MBNL2: variants seen among roughly 807,000 people sequenced by gnomAD.
The protein encoded by MBNL2 is muscleblind like splicing regulator 2.
In MBNL2, 17 loss-of-function variants were observed where a neutral mutation model predicts 41.9. That is an observed-to-expected ratio of 0.41 (90% CI 0.28 to 0.61). The LOEUF (loss-of-function observed/expected upper bound fraction) is 0.61. MBNL2 is among the 20% of genes least tolerant of loss of function. MBNL2 has a pLI of 0.35. For synonymous variants in MBNL2, 195 were observed against 182.9 expected (o/e 1.07, Z -0.53); for missense variants, 336 against 505.6 (o/e 0.66, Z 3.22).
intron 8 of MBNL2, among the ~76,000 whole-genome samples, chr13:97,368,796 A>G (rs894350787): frequency 6.6e-6 from 1 of 151,986 alleles, no homozygotes; most frequent in Non-Finnish European, 1.5e-5. Flanking sequence ...AAGCTAAAAT[A>G]TATCACTTTC....
intron 1 of MBNL2, among the ~76,000 whole-genome samples, chr13:97,234,588 C>G (rs754861321): frequency 6.6e-6 from 1 of 152,148 alleles, no homozygotes; most frequent in African/African-American, 2.4e-5. Flanking sequence ...AAATTGTTTT[C>G]AGTCCCAACC....
chr13:97,146,847 G>T, the MBNL2 span, among the ~76,000 whole-genome samples: 2 of 152,128 alleles, frequency 1.3e-5, no homozygotes, highest in African/African-American at 4.8e-5. Context: ...CTTCTGGCTT[G>T]GATGTTTCCC....
chr13:97,361,286 A>C (rs906277052), intron 7 of MBNL2, among the ~76,000 whole-genome samples: 1 of 152,198 alleles, frequency 6.6e-6, no homozygotes, highest in Non-Finnish European at 1.5e-5. Flanking sequence ...TTTGAAGAGA[A>C]GCAAGATTTT....
At position 97,275,739 on chromosome 13, in the gene MBNL2, T is replaced by C. The variant is rs1326911461; in HGVS notation, c.-497T>C. ...CTCTTCTGTCAAGTACACTTTACCC[T>C]GACCTTATGAGTGGATGAAGATACC... On this transcript the variant is annotated 5_prime_UTR_variant, in exon 2 of 9. It removes the in-frame stop codon of an upstream open reading frame in the 5' UTR. Transcript: ENST00000679496. 2 of 152,694 alleles carry C rather than the reference T, an allele frequency of 1.3e-5. No homozygotes were observed. The highest frequency in any genetic ancestry group is 4.8e-5 in the African/African-American group (2 of 41,472). The allele number at this position is 152,694 out of a possible 1,614,324, so 9.5% of individuals were successfully genotyped here.
At chr13:97,277,214 C>G (rs2052341887) in intron 2 of MBNL2, among the ~76,000 whole-genome samples, 1 of 152,152 alleles carries the variant, frequency 6.6e-6, no homozygotes, top group African/African-American at 2.4e-5. Context: ...AATGAAAGAT[C>G]TAGAAGTGGC....
intron 8 of MBNL2, among the ~76,000 whole-genome samples, chr13:97,372,962 A>G (rs921122504): frequency 3.3e-5 from 5 of 152,122 alleles, no homozygotes; most frequent in Admixed American, 6.6e-5. Context: ...CACTTGACCC[A>G]TTTTGGGGCC....
At chr13:97,274,049 G>T (rs1022520555) in intron 1 of MBNL2, among the ~76,000 whole-genome samples, 8 of 151,578 alleles carry the variant, frequency 5.3e-5, no homozygotes, top group Admixed American at 1.3e-4. Flanking sequence ...CAACAAGAGT[G>T]AAACTCCGTC....
the MBNL2 span, among the ~76,000 whole-genome samples, chr13:97,188,659 A>AG: frequency 6.9e-6 from 1 of 144,050 alleles, no homozygotes; most frequent in African/African-American, 2.6e-5. Context: ...AAAAAAAAAA[A>AG]GGCAAAGAGA....
chr13:97,154,671 A>T, the MBNL2 span, among the ~76,000 whole-genome samples: 17 of 152,188 alleles, frequency 1.1e-4, no homozygotes, highest in African/African-American at 3.9e-4. Context: ...CGTTTGGATG[A>T]TGCGGGGAAG....
intron 1 of MBNL2, among the ~76,000 whole-genome samples, chr13:97,229,576 A>G (rs1474652437): frequency 3.9e-5 from 6 of 152,194 alleles, no homozygotes; most frequent in Non-Finnish European, 8.8e-5. Flanking sequence ...ATAAGAATGT[A>G]TGATCAAAAA....
the MBNL2 span, among the ~76,000 whole-genome samples, chr13:97,182,927 C>A: frequency 6.6e-6 from 1 of 151,986 alleles, no homozygotes; most frequent in Non-Finnish European, 1.5e-5. Flanking sequence ...TGAGTTACCC[C>A]AAGTATAGAT....
At chr13:97,160,111 A>G in the MBNL2 span, among the ~76,000 whole-genome samples, 2 of 152,140 alleles carry the variant, frequency 1.3e-5, no homozygotes, top group African/African-American at 4.8e-5. Context: ...TATTCTTTGA[A>G]AAAAGTAATT....
chr13:97,148,834 A>C, the MBNL2 span, among the ~76,000 whole-genome samples: 1 of 152,252 alleles, frequency 6.6e-6, no homozygotes, highest in East Asian at 1.9e-4. Context: ...TGGTATTCAA[A>C]GTAAAAGTGG....
Position 97,335,815 on chromosome 13 carries a change from A to G in MBNL2, c.339+1375A>G, listed in dbSNP as rs956226089. 3.9e-5 allele frequency among the ~76,000 whole-genome samples: 6 copies of G among 152,352 alleles called. No homozygotes were observed. In the South Asian group the frequency reaches 1.2e-3, roughly 32 times the overall value. On this transcript the variant is annotated intron_variant, in intron 3 of 8. Transcript: ENST00000679496. Reference sequence around the variant, plus strand: ...AGAGTTCTGAATATATTTAATCCCCAAAATAGGCATTTAAGTGGTTCTGTT... The same window carrying G: ...AGAGTTCTGAATATATTTAATCCCCGAAATAGGCATTTAAGTGGTTCTGTT...
intron 1 of MBNL2, among the ~76,000 whole-genome samples, chr13:97,243,987 G>A (rs2044885742): frequency 6.6e-6 from 1 of 152,040 alleles, no homozygotes; most frequent in Non-Finnish European, 1.5e-5. Flanking sequence ...GAAAGGCAAG[G>A]GGGAAAAAAA....
At chr13:97,386,630 T>C (rs2065943072) in intron 8 of MBNL2, among the ~76,000 whole-genome samples, 1 of 152,250 alleles carries the variant, frequency 6.6e-6, no homozygotes, top group African/African-American at 2.4e-5. Context: ...CTATAATTAT[T>C]AAATGGCTGC....
the MBNL2 span, among the ~76,000 whole-genome samples, chr13:97,163,591 T>C: frequency 1.3e-3 from 192 of 152,328 alleles, no homozygotes; most frequent in African/African-American, 4.5e-3. Context: ...AGGAGAAGAA[T>C]TGCAGCATCA....
chr13:97,256,318 A>AG (rs959785836), intron 1 of MBNL2, among the ~76,000 whole-genome samples: 2 of 151,896 alleles, frequency 1.3e-5, no homozygotes, highest in African/African-American at 4.8e-5. Flanking sequence ...AAAAAAAAAA[A>AG]CTGCCAGCTT....
chr13:97,349,041 A>T (rs1459133468), intron 5 of MBNL2, among the ~76,000 whole-genome samples: 1 of 152,072 alleles, frequency 6.6e-6, no homozygotes, highest in African/African-American at 2.4e-5. Context: ...TCGTCATCTA[A>T]ATCACTGTTT....
Sources: gnomAD v4.1 joint callset for allele counts (sites outside exome capture counted in the v4.1 genomes callset) on GRCh38, gnomAD v4.1.1 for gene constraint, MANE v1.5 for transcripts, NCBI Gene and HGNC (gene_info 2026-07-23, HGNC 2026-07-21) for gene names.